CCDC62: variants seen among roughly 807,000 people sequenced by gnomAD.
CCDC62 encodes the protein coiled-coil domain containing 62.
CCDC62 carries 72 observed loss-of-function variants against 80.8 expected under a neutral mutation model. The observed-to-expected ratio is 0.89, with a 90% confidence interval of 0.74 to 1.08. CCDC62 has a LOEUF of 1.08. Ranked by LOEUF, CCDC62 falls within the 50% of genes least tolerant of loss-of-function variation. The pLI is 0.00. For synonymous variants in CCDC62, 286 were observed against 296.5 expected, an observed-to-expected ratio of 0.96 and a Z score of 0.36; for missense variants, 704 against 809.4, an observed-to-expected ratio of 0.87 and a Z score of 1.58.
intron 4 of CCDC62, among the ~76,000 whole-genome samples, chr12:122,787,750 G>GA (rs142368952): frequency 0.012 from 1,559 of 131,482 alleles, 9 homozygotes; most frequent in South Asian, 0.038. Flanking sequence ...ACTTCATCTG[G>GA]AAAAAAAAAA....
At chr12:122,798,771 A>T (rs1468289972) in intron 8 of CCDC62, among the ~76,000 whole-genome samples, 1 of 151,646 alleles carries the variant, frequency 6.6e-6, no homozygotes, top group Non-Finnish European at 1.5e-5. Context: ...ACAAGAGCCA[A>T]ACTCCGTCTC....
chr12:122,783,834 G>A (rs536590294), intron 3 of CCDC62, among the ~76,000 whole-genome samples: 1 of 152,218 alleles, frequency 6.6e-6, no homozygotes, highest in East Asian at 1.9e-4. Context: ...CCTTCCCCAC[G>A]ATCGACCTCC....
intron 10 of CCDC62, among the ~76,000 whole-genome samples, chr12:122,812,750 A>G (rs1213444819): frequency 3.0e-5 from 2 of 67,226 alleles, no homozygotes; most frequent in African/African-American, 6.8e-5. Context: ...AGAGAGAGAG[A>G]GGGAGGGAGA....
chr12:122,821,037 G>T (rs535686588), intron 11 of CCDC62, among the ~76,000 whole-genome samples: 2 of 152,066 alleles, frequency 1.3e-5, no homozygotes, highest in Non-Finnish European at 2.9e-5. Flanking sequence ...CAAGCCAGGG[G>T]TCACCACGGA....
chr12:122,798,329 A>C, intron 8 of CCDC62, 129 bp downstream of exon 8: 1 of 604,336 alleles, frequency 1.7e-6, no homozygotes, highest in African/African-American at 1.9e-5. Context: ...GTGGCCGGGC[A>C]CGGTGCCTCA....
intron 10 of CCDC62, among the ~76,000 whole-genome samples, chr12:122,809,069 G>T (rs2031749102): frequency 1.3e-5 from 2 of 152,218 alleles, no homozygotes; most frequent in South Asian, 4.1e-4. Flanking sequence ...GATTTCAACT[G>T]ATAGAGAAGT....
At chr12:122,819,398 C>A (rs1798569) in intron 11 of CCDC62, among the ~76,000 whole-genome samples, 16,730 of 152,130 alleles carry the variant, frequency 0.11, 2,156 homozygotes, top group African/African-American at 0.31. Flanking sequence ...AGGGAGCAGG[C>A]AATGATTCAG....
chr12:122,799,972 G>A (rs2031193308), intron 8 of CCDC62, among the ~76,000 whole-genome samples: 1 of 152,106 alleles, frequency 6.6e-6, no homozygotes, highest in Non-Finnish European at 1.5e-5. Flanking sequence ...GCAGGCAGAA[G>A]CCCCTTACAT....
At chr12:122,810,237 A>G (rs1037636819) in intron 10 of CCDC62, among the ~76,000 whole-genome samples, 83 of 152,274 alleles carry the variant, frequency 5.5e-4, no homozygotes, top group African/African-American at 1.9e-3. Flanking sequence ...CAGGCAACCT[A>G]CAGAATGGGA....
intron 3 of CCDC62, 42 bp downstream of exon 3, chr12:122,781,372 C>T (rs773023478): frequency 1.2e-5 from 19 of 1,574,462 alleles, no homozygotes; most frequent in South Asian, 1.0e-4. Context: ...TCCAAATTCC[C>T]TTTGTGTTTC....
chr12:122,826,323 T>C (rs1268122318), intron 12 of CCDC62, 99 bp from the exon 13 acceptor site: 1 of 672,486 alleles, frequency 1.5e-6, no homozygotes. Flanking sequence ...AAAATCAGGA[T>C]GTAGAGTTAA....
chr12:122,782,719 A>C (rs1434932041), intron 3 of CCDC62, among the ~76,000 whole-genome samples: 1 of 151,718 alleles, frequency 6.6e-6, no homozygotes, highest in African/African-American at 2.4e-5. Context: ...CAGCCTCCCA[A>C]AGTGCTGGGA....
chr12:122,794,865 G>A lies in CCDC62; in HGVS notation c.773-2442G>A, dbSNP rs909509057. Among the ~76,000 whole-genome samples, 9 of 152,046 alleles carry A rather than the reference G, an allele frequency of 5.9e-5. No homozygotes were observed. In the South Asian group the frequency reaches 8.3e-4, roughly 14 times the overall value. On this transcript the variant is annotated intron_variant, in intron 6 of 12. Transcript: ENST00000253079. ...TTATTTTTAGTAGAGGCAGGGTCTC[G>A]CTATGTGGCCCAGGCTGCTGGTCTT...
intron 10 of CCDC62, 34 bp downstream of exon 10, chr12:122,806,329 C>T (rs1360646794): frequency 1.3e-6 from 2 of 1,554,036 alleles, no homozygotes; most frequent in East Asian, 2.3e-5. Flanking sequence ...CCAGCTTACT[C>T]AAGCCAGGCC....
intron 10 of CCDC62, among the ~76,000 whole-genome samples, chr12:122,811,096 C>G (rs1161350207): frequency 6.6e-6 from 1 of 151,402 alleles, no homozygotes; most frequent in Non-Finnish European, 1.5e-5. Flanking sequence ...GTGCAGCACA[C>G]CAACATGGCA....
intron 10 of CCDC62, among the ~76,000 whole-genome samples, chr12:122,808,151 G>T (rs1284394153): frequency 6.6e-6 from 1 of 152,124 alleles, no homozygotes; most frequent in Non-Finnish European, 1.5e-5. Flanking sequence ...ACAAAAATGA[G>T]CCTGGTGTGC....
At chr12:122,813,480 G>C (rs1194959592) in intron 11 of CCDC62, 61 bp downstream of exon 11, 13 of 1,493,056 alleles carry the variant, frequency 8.7e-6, no homozygotes, top group Admixed American at 5.9e-5. Flanking sequence ...CTGAACACCA[G>C]TGTGCAAATA....
At chr12:122,808,455 T>C (rs2031718597) in intron 10 of CCDC62, among the ~76,000 whole-genome samples, 1 of 152,214 alleles carries the variant, frequency 6.6e-6, no homozygotes, top group Admixed American at 6.6e-5. Context: ...AGTCTTTGTA[T>C]AGACACATTT....
At chr12:122,806,432 G>C in intron 10 of CCDC62, 137 bp downstream of exon 10, 1 of 608,848 alleles carries the variant, frequency 1.6e-6, no homozygotes, top group Non-Finnish European at 2.7e-6. Context: ...TTAATTCTAG[G>C]ATTTTAAGAT....
Sources: gnomAD v4.1 joint callset for allele counts (sites outside exome capture counted in the v4.1 genomes callset) on GRCh38, gnomAD v4.1.1 for gene constraint, MANE v1.5 for transcripts, NCBI Gene and HGNC (gene_info 2026-07-23, HGNC 2026-07-21) for gene names.